KLHL25: variants seen among roughly 807,000 people sequenced by gnomAD.
KLHL25 encodes kelch like family member 25.
A neutral mutation model predicts 30.0 loss-of-function variants in KLHL25; 41 were observed. That is an observed-to-expected ratio of 1.37 (90% CI 1.07 to 1.78). KLHL25 has a LOEUF of 1.78. Among genes scored for constraint, KLHL25 ranks in the 40% most tolerant of loss-of-function variants. The pLI is 0.00. For missense variants in KLHL25, 971 were observed against 824.5 expected (o/e 1.18, Z -2.18); for synonymous variants, 399 against 355.3 (o/e 1.12, Z -1.38).
intron 1 of KLHL25, among the ~76,000 whole-genome samples, chr15:85,772,883 C>G (rs746537097): frequency 6.6e-6 from 1 of 152,240 alleles, no homozygotes; most frequent in Non-Finnish European, 1.5e-5. Flanking sequence ...CAGGCAGGTT[C>G]CCACCCCCTA....
At chr15:85,767,240 C>T (rs1271450138) in intron 2 of KLHL25, among the ~76,000 whole-genome samples, 2 of 152,136 alleles carry the variant, frequency 1.3e-5, no homozygotes, top group Non-Finnish European at 2.9e-5. Context: ...CTGCCCACCT[C>T]GGCCTCTCAA....
intron 2 of KLHL25, chr15:85,762,243 G>C (rs1433443989): frequency 6.6e-6 from 1 of 152,274 alleles, no homozygotes; most frequent in Non-Finnish European, 1.5e-5. Flanking sequence ...TGGCTGCCCG[G>C]TCTTGGCCCC....
intron 2 of KLHL25, 110 bp downstream of exon 2, chr15:85,767,907 C>G (rs927191797): frequency 1.7e-5 from 12 of 726,424 alleles, no homozygotes; most frequent in Non-Finnish European, 2.2e-5. Context: ...TGCTGCCCAC[C>G]CAGACTTCCC....
intron 1 of KLHL25, among the ~76,000 whole-genome samples, chr15:85,773,613 G>A (rs541129539): frequency 1.3e-5 from 2 of 152,236 alleles, no homozygotes; most frequent in East Asian, 3.9e-4. Flanking sequence ...TGGCTGATGA[G>A]CTAGTGTCAT....
intron 1 of KLHL25, among the ~76,000 whole-genome samples, chr15:85,794,564 G>A (rs575629475): frequency 6.6e-6 from 1 of 152,270 alleles, no homozygotes; most frequent in South Asian, 2.1e-4. Context: ...GGAGCCGCGG[G>A]GTGCCGGCCG....
At position 85,789,941 on chromosome 15, in the gene KLHL25, T is replaced by C. The variant is rs1379701526; in HGVS notation, c.-11+4825A>G. Among the ~76,000 whole-genome samples the C allele has an allele frequency of 6.6e-6, 1 of 152,156 alleles. No homozygotes were observed. The highest frequency in any genetic ancestry group is 1.5e-5 in the Non-Finnish European group (1 of 68,016). ...TCCCTTTGGAGTTACTGGGAAAATC[T>C]GAATCGAGTCTTCAGGAAACTAGGA... On this transcript the variant is annotated intron_variant, in intron 1 of 2. Transcript: ENST00000337975. The surrounding 1 kb of genome is among the most constrained non-coding windows in gnomAD (Gnocchi z 4.1).
At chr15:85,793,845 G>A (rs1024466433) in intron 1 of KLHL25, among the ~76,000 whole-genome samples, 1 of 152,192 alleles carries the variant, frequency 6.6e-6, no homozygotes, top group East Asian at 1.9e-4. Flanking sequence ...GGACCCAAGA[G>A]CGTCCAGATT....
chr15:85,787,994 G>A (rs967713138), intron 1 of KLHL25, among the ~76,000 whole-genome samples: 17 of 148,360 alleles, frequency 1.1e-4, no homozygotes, highest in East Asian at 6.0e-4. Context: ...CCCGGGAAGC[G>A]GAGGTGAGCT....
rs992242875 is a variant in KLHL25, at chr15:85,769,629, C to T, written c.182G>A (p.Arg61His). The T allele has an allele frequency of 8.7e-6, 14 of 1,613,272 alleles. No homozygotes were observed. The highest frequency in any genetic ancestry group is 3.3e-5 in the Admixed American group (2 of 60,022). ...GCGGCTAGAGGCGGCCAGCACGGCACGGTGACAGGGGAAGGCACGGTCGCC... is the reference window on the plus strand; with the variant it reads ...GCGGCTAGAGGCGGCCAGCACGGCATGGTGACAGGGGAAGGCACGGTCGCC... ...WAGDRAFPCH[R>H]AVLAASSRYF... The change falls in exon 2 of 3, where the codon CGT (arginine) becomes CAT (histidine). Residue 61 changes from arginine (R) to histidine (H), a missense_variant. Arg to His is a conservative substitution (Grantham distance 29). Transcript: ENST00000337975.
At chr15:85,792,318 A>G (rs933538212) in intron 1 of KLHL25, among the ~76,000 whole-genome samples, 3 of 152,186 alleles carry the variant, frequency 2.0e-5, no homozygotes, top group African/African-American at 7.2e-5. Flanking sequence ...AAATGCTTCA[A>G]CAGCCTTGGC....
At position 85,768,540 on chromosome 15, in the gene KLHL25, C is replaced by T. The variant is rs1228075867; in HGVS notation, c.1271G>A (p.Trp424Ter). 4.3e-6 allele frequency: 7 copies of T among 1,613,614 alleles called. No homozygotes were observed. The South Asian group carries it at 6.6e-5, about 15-fold the overall frequency. ...ATCCCGCAAGGGGGCCACCATCATCCACTTGTTGGCCCCAGGGTCGTATTT... is the reference window on the plus strand; with the variant it reads ...ATCCCGCAAGGGGGCCACCATCATCTACTTGTTGGCCCCAGGGTCGTATTT... Reference protein sequence around the residue: ...VEKYDPGANKWMMVAPLRDGV... With the variant: ...VEKYDPGANK Residue 424 changes from tryptophan to a stop codon, truncating the protein, a stop_gained, in exon 2 of 3, where the codon TGG becomes TAG. Coordinates refer to ENST00000337975, the MANE Select transcript of KLHL25 (RefSeq NM_022480.4). LOFTEE classifies it high-confidence loss of function.
At chr15:85,771,872 T>G (rs1371860097) in intron 1 of KLHL25, among the ~76,000 whole-genome samples, 1 of 152,224 alleles carries the variant, frequency 6.6e-6, no homozygotes, top group Non-Finnish European at 1.5e-5. Flanking sequence ...AACTATTTCC[T>G]GAGCACATCC....
chr15:85,778,853 C>T (rs1426388116), intron 1 of KLHL25, among the ~76,000 whole-genome samples: 1 of 152,102 alleles, frequency 6.6e-6, no homozygotes, highest in Non-Finnish European at 1.5e-5. Context: ...AGAGGGATCC[C>T]GAAGAGGATT....
intron 1 of KLHL25, among the ~76,000 whole-genome samples, chr15:85,793,134 C>T (rs964813330): frequency 2.6e-4 from 37 of 139,670 alleles, no homozygotes; most frequent in Admixed American, 1.9e-3. Context: ...CTCTTTTCTT[C>T]CTGCTCTCTT....
In KLHL25 at chr15:85,768,725, G is replaced by A. The variant is rs1364342868; in HGVS notation, c.1086C>T (p.Asp362=). ...NGVSKDVWVY[D]TVHEEWSKAA... Reference sequence around the variant, plus strand: ...CCTTGGACCATTCCTCATGTACGGTGTCGTACACCCAGACATCCTTGGAGA... The same window carrying A: ...CCTTGGACCATTCCTCATGTACGGTATCGTACACCCAGACATCCTTGGAGA... Residue 362 remains aspartate, a synonymous_variant, in exon 2 of 3, where the codon GAC becomes GAT. Coordinates refer to ENST00000337975, the MANE Select transcript of KLHL25 (RefSeq NM_022480.4). 6.2e-7 allele frequency: 1 copy of A among 1,613,444 alleles called. No homozygotes were observed. The highest frequency in any genetic ancestry group is 8.5e-7 in the Non-Finnish European group (1 of 1,179,958).
chr15:85,794,221 C>A (rs941763248), intron 1 of KLHL25, among the ~76,000 whole-genome samples: 1 of 152,210 alleles, frequency 6.6e-6, no homozygotes, highest in Non-Finnish European at 1.5e-5. Context: ...GTTCTGCAAA[C>A]CGAAACGAGG....
At chr15:85,792,522 G>A (rs190173784) in intron 1 of KLHL25, among the ~76,000 whole-genome samples, 40 of 152,232 alleles carry the variant, frequency 2.6e-4, no homozygotes, top group African/African-American at 9.4e-4. Flanking sequence ...GGGACCAGGG[G>A]GTAGGTTCTC....
In KLHL25 at chr15:85,760,871, C is replaced by G. The variant is rs1160211963; in HGVS notation, c.*165G>C. ...GCAAGAGATGCTTCTCTTCTCTTGC[C>G]TAAAGCTCAGAACAGCCCAAGGCTG... On this transcript the variant is annotated 3_prime_UTR_variant, in exon 3 of 3. Transcript: ENST00000337975. The G allele has an allele frequency of 6.6e-6, 1 of 152,316 alleles. No individual in the cohort carries two copies. The highest frequency in any genetic ancestry group is 1.5e-5 in the Non-Finnish European group (1 of 68,094). 9.4% of individuals were successfully genotyped at this position (152,316 alleles called of 1,614,324 possible).
chr15:85,777,907 A>C (rs144624569), intron 1 of KLHL25, among the ~76,000 whole-genome samples: 251 of 152,338 alleles, frequency 1.6e-3, no homozygotes, highest in Non-Finnish European at 2.9e-3. Context: ...ATGCACGACT[A>C]TCATGTACCT....
Sources: gnomAD v4.1 joint callset for allele counts (sites outside exome capture counted in the v4.1 genomes callset) on GRCh38, gnomAD v4.1.1 for gene constraint, Gnocchi (gnomAD v3.1) non-coding constraint, MANE v1.5 for transcripts, NCBI Gene and HGNC (gene_info 2026-07-23, HGNC 2026-07-21) for gene names.